The following MAGI2 variants were observed in gnomAD, a reference collection of about 807,000 sequenced individuals.
The protein encoded by MAGI2 is membrane-associated guanylate kinase, WW and PDZ domain-containing protein 2.
Under a neutral mutation model 133.3 loss-of-function variants are expected in MAGI2, and 35 were observed. The observed-to-expected ratio is 0.26, with a 90% CI of 0.20 to 0.35. The LOEUF (loss-of-function observed/expected upper bound fraction) is 0.35. Ranked by LOEUF, MAGI2 falls within the 10% of genes least tolerant of loss-of-function variation. The pLI is 1.00. For synonymous variants in MAGI2, 729 were observed against 710.6 expected (o/e 1.03, Z -0.41); for missense variants, 1,636 against 1,863.4 (o/e 0.88, Z 2.25).
At chr7:78,286,588 T>G (rs1796163325) in intron 9 of MAGI2, among the ~76,000 whole-genome samples, 1 of 152,098 alleles carries the variant, frequency 6.6e-6, no homozygotes, top group Admixed American at 6.6e-5. Context: ...AGGTTTTACT[T>G]GCAGGATTAT....
intron 10 of MAGI2, among the ~76,000 whole-genome samples, chr7:78,230,853 G>A (rs1306411890): frequency 1.3e-5 from 2 of 152,152 alleles, no homozygotes; most frequent in African/African-American, 4.8e-5. Flanking sequence ...GCCTTCCTCA[G>A]GCAGTTTTTT....
At chr7:78,643,588 C>A (rs983326984) in intron 2 of MAGI2, among the ~76,000 whole-genome samples, 11 of 152,062 alleles carry the variant, frequency 7.2e-5, no homozygotes, top group African/African-American at 2.7e-4. Context: ...CACACAATTG[C>A]AGCCACCTGT....
chr7:78,623,493 CTTCT>C (rs1807969384), intron 3 of MAGI2, among the ~76,000 whole-genome samples: 1 of 151,886 alleles, frequency 6.6e-6, no homozygotes, highest in African/African-American at 2.4e-5. Context: ...ATGAACACAA[CTTCT>C]TTATTTAAAA....
At chr7:78,342,899 G>A (rs1052441461) in intron 9 of MAGI2, among the ~76,000 whole-genome samples, 2 of 152,156 alleles carry the variant, frequency 1.3e-5, no homozygotes, top group African/African-American at 4.8e-5. Flanking sequence ...CATGGCACGT[G>A]TATACCTATG....
intron 9 of MAGI2, among the ~76,000 whole-genome samples, chr7:78,269,324 T>C (rs1794333067): frequency 6.6e-6 from 1 of 152,284 alleles, no homozygotes; most frequent in Non-Finnish European, 1.5e-5. Context: ...TTGAGTCAAA[T>C]GGTATTTCTA....
intron 1 of MAGI2, among the ~76,000 whole-genome samples, chr7:79,309,219 A>G (rs1261490549): frequency 1.3e-5 from 2 of 151,976 alleles, no homozygotes; most frequent in African/African-American, 2.4e-5. Context: ...TGTGATATAA[A>G]CTCTGATTAT....
chr7:78,454,974 A>G (rs1789151324), intron 6 of MAGI2, among the ~76,000 whole-genome samples: 1 of 152,166 alleles, frequency 6.6e-6, no homozygotes, highest in Admixed American at 6.5e-5. Flanking sequence ...TCTGTATAAT[A>G]CTTTAATATT....
chr7:79,019,592 G>A (rs1268950439), intron 1 of MAGI2, among the ~76,000 whole-genome samples: 1 of 151,766 alleles, frequency 6.6e-6, no homozygotes, highest in African/African-American at 2.4e-5. Context: ...TGTCACCCAG[G>A]CTGGAGTGCA....
At chr7:78,077,725 G>GTT (rs538030969) in intron 21 of MAGI2, among the ~76,000 whole-genome samples, 1,579 of 101,102 alleles carry the variant, frequency 0.016, 70 homozygotes, top group Middle Eastern at 0.041. Flanking sequence ...TCTTTAGAAT[G>GTT]TTTTTTTTTT....
At chr7:79,249,328 C>A (rs1833054933) in intron 1 of MAGI2, among the ~76,000 whole-genome samples, 1 of 150,044 alleles carries the variant, frequency 6.7e-6, no homozygotes, top group Non-Finnish European at 1.5e-5. Context: ...ACGAAGAAAA[C>A]AATACAAAGG....
chr7:79,016,996 T>G (rs1380813160), intron 1 of MAGI2, among the ~76,000 whole-genome samples: 1 of 152,224 alleles, frequency 6.6e-6, no homozygotes, highest in Non-Finnish European at 1.5e-5. Context: ...CATCTCCACA[T>G]AGTGGTGCCC....
At chr7:78,522,607 T>C (rs1320583257) in intron 3 of MAGI2, among the ~76,000 whole-genome samples, 1 of 152,186 alleles carries the variant, frequency 6.6e-6, no homozygotes, top group Non-Finnish European at 1.5e-5. Flanking sequence ...CTCAAACTCC[T>C]GACCTCAAAT....
At chr7:79,391,675 T>TTTTG (rs539985983) in intron 1 of MAGI2, among the ~76,000 whole-genome samples, 22 of 151,158 alleles carry the variant, frequency 1.5e-4, no homozygotes, top group Admixed American at 1.1e-3. Context: ...TGTAGGTGTT[T>TTTTG]TTTGTTTGTT....
chr7:79,234,722 C>G (rs1339598976), intron 1 of MAGI2, among the ~76,000 whole-genome samples: 1 of 150,068 alleles, frequency 6.7e-6, no homozygotes, highest in Non-Finnish European at 1.5e-5. Context: ...TTTTCAACTT[C>G]TTTGCCTTTG....
chr7:78,915,256 G>A (rs1474835869), intron 2 of MAGI2, among the ~76,000 whole-genome samples: 1 of 152,078 alleles, frequency 6.6e-6, no homozygotes, highest in Admixed American at 6.6e-5. Flanking sequence ...TATGAACACT[G>A]CCAGCCACCA....
rs144754853 is a variant in MAGI2 at position 78,551,368 on chromosome 7, C to T, written c.539-29723G>A. ...TTTGCTTTGTTTTGATTTTTGCACT[C>T]ACATTATAGAAACTTACAGGCCTTG... On this transcript the variant is annotated intron_variant, in intron 3 of 21. Coordinates refer to ENST00000354212, the MANE Select transcript of MAGI2 (RefSeq NM_012301.4). 1.6e-3 allele frequency among the ~76,000 whole-genome samples: 241 copies of T among 152,336 alleles called. 2 individuals carry two copies. The highest frequency in any genetic ancestry group is 5.5e-3 in the African/African-American group (229 of 41,572).
intron 1 of MAGI2, among the ~76,000 whole-genome samples, chr7:79,104,929 C>T (rs186701134): frequency 6.6e-6 from 1 of 152,318 alleles, no homozygotes; most frequent in East Asian, 1.9e-4. Flanking sequence ...TCCTGTACCA[C>T]TATATCCTAC....
rs567618013 is a variant in MAGI2, at chr7:79,073,164, A to C, written c.302-65958T>G. Among the ~76,000 whole-genome samples the C allele has an allele frequency of 5.9e-5, 9 of 152,354 alleles. No individual in the cohort carries two copies. The South Asian group carries it at 1.9e-3, about 32-fold the overall frequency. On this transcript the variant is annotated intron_variant, in intron 1 of 21. Transcript: ENST00000354212. ...TTCAAGAATTAAACCCTTGGGGCCA[A>C]GTCTATGCAGGAGATGCCTAATATC...
intron 1 of MAGI2, among the ~76,000 whole-genome samples, chr7:79,376,815 T>C (rs1410993454): frequency 7.3e-6 from 1 of 137,140 alleles, no homozygotes; most frequent in Non-Finnish European, 1.6e-5. Flanking sequence ...TAAGAGAGGA[T>C]TTGTGTGTGT....
Sources: allele counts gnomAD v4.1 joint callset (sites outside exome capture counted in the v4.1 genomes callset), GRCh38; gene constraint gnomAD v4.1.1; transcripts MANE v1.5; gene names NCBI Gene and HGNC (gene_info 2026-07-23, HGNC 2026-07-21).